The following USH2A variants were observed in gnomAD, a reference collection of about 807,000 sequenced individuals.
The protein encoded by USH2A is usherin.
A neutral mutation model predicts 538.9 loss-of-function variants in USH2A; 443 were observed. The observed-to-expected ratio is 0.82, with a 90% CI of 0.76 to 0.89. The LOEUF is 0.89. Ranked by LOEUF, USH2A falls within the 40% of genes least tolerant of loss-of-function variation. USH2A has a pLI of 0.00. For synonymous variants in USH2A, 2,413 were observed against 2,273.5 expected, an observed-to-expected ratio of 1.06 and a Z score of -1.75; for missense variants, 6,633 against 6,324.8, an observed-to-expected ratio of 1.05 and a Z score of -1.65.
intron 27 of USH2A, 59 bp downstream of exon 27, chr1:216,078,029 AC>A: frequency 1.2e-6 from 2 of 1,608,534 alleles, no homozygotes; most frequent in Non-Finnish European, 1.7e-6. Context: ...ACACAGAACC[AC>A]CAAAAACTGT....
Position 216,190,262 on chromosome 1 carries a change from C to A in USH2A, c.4357G>T (p.Val1453Leu), listed in dbSNP as rs1220451639. 10 of 1,612,580 alleles carry A rather than the reference C, an allele frequency of 6.2e-6. No homozygotes were observed. The highest frequency in any genetic ancestry group is 2.2e-5 in the South Asian group (2 of 91,054). ...TITLCNSVGCVTSASGAGQTL... is the reference protein window; with the variant it reads ...TITLCNSVGCLTSASGAGQTL... ...TGTCCTGCTCCCGAAGCACTGGTCA[C>A]ACAACCAACTGAATTGCAGAGAGTA... Residue 1453 changes from valine (V) to leucine (L), a missense_variant, in exon 20 of 72, where the codon GTG becomes TTG. Val to Leu is a conservative substitution (Grantham distance 32, BLOSUM62 1). Coordinates refer to ENST00000307340, the MANE Select transcript of USH2A (RefSeq NM_206933.4).
chr1:215,814,193 A>C (rs1383502822), intron 48 of USH2A, among the ~76,000 whole-genome samples: 1 of 145,494 alleles, frequency 6.9e-6, no homozygotes, highest in African/African-American at 2.5e-5. Flanking sequence ...TATATCTTTT[A>C]TTTTATTATA....
rs747778052 is a variant in USH2A at position 216,418,668 on chromosome 1, T to G, written c.497A>C (p.Glu166Ala). 3 of 1,612,862 alleles carry G rather than the reference T, an allele frequency of 1.9e-6. No individual in the cohort carries two copies. In the Admixed American group the frequency reaches 5.0e-5, roughly 27 times the overall value. ...CACAATCTGCCCATCTACTGTCTTT[T>G]CTATAACACACCTTAGGAAGCAACC... The part of the protein sequence containing the change: ...PEQQGVMCVI[E>A]KTVDGQIVFK... Residue 166 changes from glutamate to alanine, a missense_variant, in exon 3 of 72, where the codon GAA (glutamate) becomes GCA (alanine). By Grantham distance (107) the Glu-to-Ala change is moderately radical. Coordinates refer to ENST00000307340, the MANE Select transcript of USH2A (RefSeq NM_206933.4).
At chr1:215,686,521 G>C (rs533549951) in intron 61 of USH2A, among the ~76,000 whole-genome samples, 66 of 152,192 alleles carry the variant, frequency 4.3e-4, no homozygotes, top group African/African-American at 1.6e-3. Context: ...AAAGGGGATT[G>C]TGATAAGACT....
Position 216,325,525 on chromosome 1 carries a change from T to A in USH2A, c.923A>T (p.His308Leu), listed in dbSNP as rs906292035. 16 of 1,613,612 alleles carry A rather than the reference T, an allele frequency of 9.9e-6. No individual in the cohort carries two copies. The highest frequency in any genetic ancestry group is 1.1e-5 in the Non-Finnish European group (13 of 1,179,764). ...CTGTGCCAAAGGGTGGACCCGCGGGTGGCTGCCAGGGCAACGGCAATGTGA... is the reference window on the plus strand; with the variant it reads ...CTGTGCCAAAGGGTGGACCCGCGGGAGGCTGCCAGGGCAACGGCAATGTGA... ...AQSHCRCPGS[H>L]PRVHPLAQRY... Residue 308 changes from histidine (H) to leucine (L), a missense_variant, in exon 6 of 72, where the codon CAC becomes CTC. Transcript: ENST00000307340.
At chr1:215,836,438 G>T (rs1395373962) in intron 47 of USH2A, among the ~76,000 whole-genome samples, 1 of 92,222 alleles carries the variant, frequency 1.1e-5, no homozygotes, top group Non-Finnish European at 2.1e-5. Flanking sequence ...TATTACTTTT[G>T]CCTTCTATGT....
intron 64 of USH2A, among the ~76,000 whole-genome samples, chr1:215,655,898 G>C (rs1305754568): frequency 6.6e-6 from 1 of 151,898 alleles, no homozygotes; most frequent in African/African-American, 2.4e-5. Context: ...ACCACACCTG[G>C]CTAATTTTTT....
At chr1:215,727,956 G>A in intron 61 of USH2A, 74 bp downstream of exon 61, 4 of 1,530,196 alleles carry the variant, frequency 2.6e-6, no homozygotes, top group South Asian at 2.2e-5. Context: ...AAAATGAGAA[G>A]TTGGACAAGA....
chr1:216,390,288 C>T (rs1365633435), intron 3 of USH2A, among the ~76,000 whole-genome samples: 2 of 152,076 alleles, frequency 1.3e-5, no homozygotes, highest in Non-Finnish European at 2.9e-5. Flanking sequence ...CAAAGCTTTG[C>T]AGAGTTATTT....
intron 26 of USH2A, chr1:216,080,132 G>A (rs563147828): frequency 1.3e-5 from 2 of 152,170 alleles, no homozygotes; most frequent in East Asian, 3.9e-4. Flanking sequence ...AAGATACACA[G>A]TTTGGGGATG....
intron 46 of USH2A, among the ~76,000 whole-genome samples, chr1:215,842,810 G>C (rs1358616484): frequency 6.6e-6 from 1 of 151,908 alleles, no homozygotes; most frequent in Non-Finnish European, 1.5e-5. Context: ...GGGCCTGTTG[G>C]GGGGGCATCA....
At chr1:215,992,403 AAACGT>A (rs1228794603) in intron 35 of USH2A, among the ~76,000 whole-genome samples, 145 of 152,326 alleles carry the variant, frequency 9.5e-4, no homozygotes, top group Non-Finnish European at 1.6e-3. Flanking sequence ...TATTTTAGTG[AAACGT>A]AACTGACTAG....
At chr1:216,374,132 T>C (rs1427929298) in intron 3 of USH2A, among the ~76,000 whole-genome samples, 3 of 148,148 alleles carry the variant, frequency 2.0e-5, no homozygotes, top group Middle Eastern at 3.4e-3. Context: ...AGGGATAGCA[T>C]TGAGAGATAT....
intron 44 of USH2A, among the ~76,000 whole-genome samples, chr1:215,866,417 C>A (rs575609896): frequency 6.6e-6 from 1 of 152,252 alleles, no homozygotes; most frequent in African/African-American, 2.4e-5. Context: ...CCAGGGTCGA[C>A]CCTGCATTAT....
intron 32 of USH2A, among the ~76,000 whole-genome samples, chr1:216,039,937 A>G (rs1296482614): frequency 2.0e-5 from 3 of 151,906 alleles, no homozygotes; most frequent in Non-Finnish European, 4.4e-5. Context: ...TTGGTTAGAC[A>G]TAAATAATTA....
intron 61 of USH2A, among the ~76,000 whole-genome samples, chr1:215,689,786 A>T (rs915909532): frequency 2.6e-5 from 4 of 152,140 alleles, no homozygotes; most frequent in African/African-American, 7.2e-5. Flanking sequence ...AACTTGAATG[A>T]GATTGGAAGT....
At chr1:216,100,269 C>T (rs1258432653) in intron 21 of USH2A, among the ~76,000 whole-genome samples, 2 of 152,006 alleles carry the variant, frequency 1.3e-5, no homozygotes, top group African/African-American at 4.8e-5. Flanking sequence ...GGGTACAGAA[C>T]ACGAATTAGA....
At chr1:216,033,071 A>G (rs2102513258) in intron 32 of USH2A, among the ~76,000 whole-genome samples, 1 of 152,232 alleles carries the variant, frequency 6.6e-6, no homozygotes, top group East Asian at 1.9e-4. Flanking sequence ...TGATCTCTCA[A>G]TCTTCTTCCT....
At chr1:216,214,729 A>C (rs940749940) in intron 15 of USH2A, among the ~76,000 whole-genome samples, 28 of 152,208 alleles carry the variant, frequency 1.8e-4, no homozygotes, top group African/African-American at 6.7e-4. Flanking sequence ...TAATAAAAGG[A>C]GAGCTAGAAG....
Sources: allele counts gnomAD v4.1 joint callset (sites outside exome capture counted in the v4.1 genomes callset), GRCh38; gene constraint gnomAD v4.1.1; transcripts MANE v1.5; gene names NCBI Gene and HGNC (gene_info 2026-07-23, HGNC 2026-07-21).